The following CASKIN1 variants were observed in gnomAD, a reference collection of about 807,000 sequenced individuals.
The protein encoded by CASKIN1 is caskin-1.
CASKIN1 carries 42 observed loss-of-function variants against 117.5 expected under a neutral mutation model. The observed-to-expected ratio is 0.36, with a 90% CI of 0.28 to 0.46. CASKIN1 has a LOEUF of 0.46. CASKIN1 is among the 20% of genes least tolerant of loss of function. CASKIN1 has a pLI of 1.00. For synonymous variants in CASKIN1, 1,148 were observed against 961.7 expected (o/e 1.19, Z -3.59); for missense variants, 2,083 against 2,077.3 (o/e 1.00, Z -0.05).
At chr16:2,190,197 C>T (rs768787322) in intron 2 of CASKIN1, 27 bp from the exon 3 acceptor site, 2 of 1,611,516 alleles carry the variant, frequency 1.2e-6, no homozygotes, top group African/African-American at 1.3e-5. Flanking sequence ...ACACATAGAG[C>T]AGAGGCCCTG....
At position 2,177,773 on chromosome 16, in the gene CASKIN1, G is replaced by C. The variant is rs2093146102; in HGVS notation, c.*777C>G. 1 of 245,192 alleles carries C rather than the reference G, an allele frequency of 4.1e-6. No individual in the cohort carries two copies. Among genetic ancestry groups the C allele is most frequent in the Non-Finnish European group, 8.0e-6 (1 of 124,424 alleles). 15.2% of individuals were successfully genotyped at this position (245,192 alleles called of 1,614,324 possible). A position where few individuals can be genotyped will look rare whatever the true frequency, so the allele number is the denominator to read the frequency against. On this transcript the variant is annotated 3_prime_UTR_variant, in exon 20 of 20. Transcript: ENST00000343516. ...CTGGGACGCAGCCACGCCAGGAGGA[G>C]GACACGGCCGCCGAGAGCAAGGCAC...
Position 2,180,666 on chromosome 16 carries a change from G to T in CASKIN1, c.2702C>A (p.Pro901His), listed in dbSNP as rs1203426742. 1 of 1,521,968 alleles carries T rather than the reference G, an allele frequency of 6.6e-7. No homozygotes were observed. Among genetic ancestry groups the T allele is most frequent in the Non-Finnish European group, 8.8e-7 (1 of 1,139,388 alleles). The allele number at this position is 1,521,968 out of a possible 1,614,324, so 94.3% of individuals were successfully genotyped here. A position where few individuals can be genotyped will look rare whatever the true frequency, so the allele number is the denominator to read the frequency against. Residue 901 changes from proline to histidine, a missense_variant, in exon 18 of 20, where the codon CCT becomes CAT. Around this residue, in one of 3 missense-constraint regions of CASKIN1, gnomAD observed 1,818 missense variants for 1,688.9 expected, o/e 1.08. Transcript: ENST00000343516. ...CGTGGCATAGGGGCCGGCAGCCGCA[G>T]GCACCAGCAGCTCGTCCCGCTCCGG... The part of the protein sequence containing the change: ...SEPERDELLV[P>H]AAAGPYATVQ...
Position 2,189,621 on chromosome 16 carries a change from G to A in CASKIN1, c.245-57C>T, listed in dbSNP as rs927384296. On this transcript the variant is annotated intron_variant, in intron 3 of 19. Coordinates refer to ENST00000343516, the MANE Select transcript of CASKIN1 (RefSeq NM_020764.4). ...CTTGACCCCAAACCCAACCCTGGAG[G>A]ATAGGGGGGTGCTGGGACCTGACCC... The A allele has an allele frequency of 1.8e-5, 28 of 1,531,482 alleles. No individual in the cohort carries two copies. In the Admixed American group the frequency reaches 1.9e-4, roughly 11 times the overall value. The allele number at this position is 1,531,482 out of a possible 1,614,324, so 94.9% of individuals were successfully genotyped here.
At position 2,196,331 on chromosome 16, in the gene CASKIN1, G is replaced by A. The variant is rs763651550; in HGVS notation, c.94+8C>T. The A allele has an allele frequency of 4.0e-6, 5 of 1,235,560 alleles. No homozygotes were observed. The highest frequency in any genetic ancestry group is 5.1e-6 in the Non-Finnish European group (5 of 978,846). The allele number at this position is 1,235,560 out of a possible 1,614,324, so 76.5% of individuals were successfully genotyped here. On this transcript the variant is annotated splice_region_variant and intron_variant, in intron 1 of 19. Transcript: ENST00000343516. The surrounding 1 kb of genome is among the most constrained non-coding windows in gnomAD (Gnocchi z 5.7). ...CTCCCACCCGCGCCCCGCGCCCCCG[G>A]CACTCACTGGCCTTCCCGGGCCGCG...
In CASKIN1 at chr16:2,189,460, T is replaced by C. The variant is rs1415903345; in HGVS notation, c.349A>G (p.Ile117Val). ...TGCTGGGCCGCCAGGTGCAGGGGGA[T>C]GTGGCCCTCATCAGACGGGATGTTC... ...AVNIPSDEGHIPLHLAAQHGH... is the reference protein window; with the variant it reads ...AVNIPSDEGHVPLHLAAQHGH... Residue 117 changes from isoleucine to valine, a missense_variant, in exon 4 of 20, where the codon ATC (isoleucine) becomes GTC (valine). Transcript: ENST00000343516. 1.2e-6 allele frequency: 2 copies of C among 1,612,168 alleles called. No individual in the cohort carries two copies. The highest frequency in any genetic ancestry group is 2.2e-5 in the South Asian group (2 of 91,070).
chr16:2,194,973 T>G (rs2093211501), intron 1 of CASKIN1, among the ~76,000 whole-genome samples: 1 of 152,180 alleles, frequency 6.6e-6, no homozygotes, highest in South Asian at 2.1e-4. Flanking sequence ...TGACATCCCA[T>G]CCTACAGACG....
At chr16:2,183,560 G>A in intron 16 of CASKIN1, 86 bp downstream of exon 16, 1 of 1,326,976 alleles carries the variant, frequency 7.5e-7, no homozygotes, top group African/African-American at 1.4e-5. Context: ...AGGGCGGGTG[G>A]GAGTTGTGGC....
Position 2,182,632 on chromosome 16 carries a change from G to A in CASKIN1, c.1630-703C>T, listed in dbSNP as rs531695400. 1.0e-3 allele frequency among the ~76,000 whole-genome samples: 152 copies of A among 152,340 alleles called. 2 individuals carry two copies. The highest frequency in any genetic ancestry group is 3.5e-4 in the Non-Finnish European group (24 of 68,034). ...TTGAGTGAGGCAAGGCAGGGTGAGT[G>A]CAGACCCACGCGCCAGGTGGCTTTT... On this transcript the variant is annotated intron_variant, in intron 16 of 19. Coordinates refer to ENST00000343516, the MANE Select transcript of CASKIN1 (RefSeq NM_020764.4). The surrounding 1 kb of genome is among the most constrained non-coding windows in gnomAD (Gnocchi z 4.1).
Position 2,180,694 on chromosome 16 carries a change from C to T in CASKIN1, c.2674G>A (p.Glu892Lys), listed in dbSNP as rs1282304031. The change falls in exon 18 of 20, where the codon GAG becomes AAG. Residue 892 changes from glutamate to lysine, a missense_variant. By Grantham distance (56) the Glu-to-Lys change is moderately conservative. Transcript: ENST00000343516. The part of the protein sequence containing the change: ...SLNRYAASDS[E>K]PERDELLVPA... Reference sequence around the variant, plus strand: ...ACCAGCAGCTCGTCCCGCTCCGGCTCGCTGTCGGACGCCGCATAGCGATTC... The same window carrying T: ...ACCAGCAGCTCGTCCCGCTCCGGCTTGCTGTCGGACGCCGCATAGCGATTC... The T allele has an allele frequency of 3.3e-6, 5 of 1,494,914 alleles. No individual in the cohort carries two copies. Among genetic ancestry groups the T allele is most frequent in the South Asian group, 1.3e-5 (1 of 78,096 alleles). The allele number at this position is 1,494,914 out of a possible 1,614,324, so 92.6% of individuals were successfully genotyped here.
Position 2,182,038 on chromosome 16 carries a change from CAGG to C in CASKIN1, c.1630-112_1630-110del, listed in dbSNP as rs2141315259. 6.7e-7 allele frequency: 1 copy of C among 1,502,650 alleles called. No individual in the cohort carries two copies. Among genetic ancestry groups the C allele is most frequent in the Non-Finnish European group, 9.1e-7 (1 of 1,100,406 alleles). 93.1% of individuals were successfully genotyped at this position (1,502,650 alleles called of 1,614,324 possible). On this transcript the variant is annotated intron_variant, in intron 16 of 19. Transcript: ENST00000343516. The surrounding 1 kb of genome is among the most constrained non-coding windows in gnomAD (Gnocchi z 4.1). ...ACCGGGCCAGCAGGGCACAGACAGA[CAGG>C]AGGACAAACGGATAGGCCGAGGTAT...
rs777987406 is a variant in CASKIN1 at position 2,177,633 on chromosome 16, G to A, written c.*917C>T. On this transcript the variant is annotated 3_prime_UTR_variant, in exon 20 of 20. Coordinates refer to ENST00000343516, the MANE Select transcript of CASKIN1 (RefSeq NM_020764.4). ...GGGCTGCCTGCACAGCCCCTGGAGA[G>A]GGGGCCAGGCACACCCTCAGAGGAG... 1.8e-4 allele frequency: 43 copies of A among 237,024 alleles called. No homozygotes were observed. The highest frequency in any genetic ancestry group is 3.2e-4 in the Non-Finnish European group (39 of 120,244). 14.7% of individuals were successfully genotyped at this position (237,024 alleles called of 1,614,324 possible). A position where few individuals can be genotyped will look rare whatever the true frequency, so the allele number is the denominator to read the frequency against.
In CASKIN1 at chr16:2,184,881, G is replaced by A. The variant is rs760234269; in HGVS notation, c.1325-13C>T. 7.6e-6 allele frequency: 12 copies of A among 1,575,874 alleles called. No homozygotes were observed. In the South Asian group the frequency reaches 1.4e-4, roughly 18 times the overall value. ...GACCGGGCCACACCTGAGGACGAGA[G>A]TGGGTGGGGGACAAGGGCTGTCGGG... On this transcript the variant is annotated splice_polypyrimidine_tract_variant and intron_variant, in intron 13 of 19. Transcript: ENST00000343516.
At chr16:2,190,659 C>G (rs1007575077) in intron 1 of CASKIN1, among the ~76,000 whole-genome samples, 1 of 152,172 alleles carries the variant, frequency 6.6e-6, no homozygotes, top group Non-Finnish European at 1.5e-5. Flanking sequence ...GGCTGTGCAC[C>G]CACACAGGCA....
intron 1 of CASKIN1, 48 bp from the exon 2 acceptor site, chr16:2,190,406 C>A: frequency 6.5e-7 from 1 of 1,531,112 alleles, no homozygotes. Context: ...CCAGCCCCTC[C>A]AGGCGGCCTG....
chr16:2,189,962 T>A, intron 3 of CASKIN1, 111 bp downstream of exon 3: 3 of 928,464 alleles, frequency 3.2e-6, no homozygotes, highest in East Asian at 3.2e-5. Flanking sequence ...CTGCCTGAAA[T>A]CAGACTGAGA....
At chr16:2,188,851 C>T (rs1263717435) in intron 6 of CASKIN1, 176 bp downstream of exon 6, 3 of 878,398 alleles carry the variant, frequency 3.4e-6, no homozygotes, top group Non-Finnish European at 5.1e-6. Flanking sequence ...CCTTCCCAGC[C>T]CCTGCAGCTC....
Position 2,180,533 on chromosome 16 carries a change from G to C in CASKIN1, c.2835C>G (p.Pro945=), listed in dbSNP as rs1310251497. Residue 945 remains proline, a synonymous_variant, in exon 18 of 20, where the codon CCC becomes CCG. Transcript: ENST00000343516. ...SFAVRPRKKG[P]PPPPPKRSSS... is the part of the protein sequence containing the mutation. ...TGGAGCGCTTGGGTGGGGGCGGCGG[G>C]GGCCCCTTCTTTCGGGGCCGCACGG... 2 of 1,546,702 alleles carry C rather than the reference G, an allele frequency of 1.3e-6. No individual in the cohort carries two copies. The highest frequency in any genetic ancestry group is 1.9e-5 in the Admixed American group (1 of 51,778).
At chr16:2,183,625 C>T in intron 16 of CASKIN1, 21 bp downstream of exon 16, 1 of 1,611,434 alleles carries the variant, frequency 6.2e-7, no homozygotes, top group South Asian at 1.1e-5. Flanking sequence ...GGCCCAGCCC[C>T]TGGGATGCAG....
chr16:2,179,651 G>A lies in CASKIN1; in HGVS notation c.3717C>T (p.Leu1239=), dbSNP rs1455218425. Residue 1239 remains leucine, a synonymous_variant, in exon 18 of 20, where the codon CTC becomes CTT. Coordinates refer to ENST00000343516, the MANE Select transcript of CASKIN1 (RefSeq NM_020764.4). This position sits in a 1 kb window ranked among gnomAD's most constrained non-coding sequence, Gnocchi z 5.8. ...TGGAGGTGGGTGTGGGCGAGCCCTG[G>A]AGCTTGGGCACAGGCTGCGTCAGGA... ...KPVLTQPVPK[L]QGSPTPTSKK... 1.3e-6 allele frequency: 2 copies of A among 1,502,552 alleles called. No homozygotes were observed. The highest frequency in any genetic ancestry group is 4.8e-5 in the East Asian group (2 of 41,692). 93.1% of individuals were successfully genotyped at this position (1,502,552 alleles called of 1,614,324 possible). A position where few individuals can be genotyped will look rare whatever the true frequency, so the allele number is the denominator to read the frequency against.
Sources: gnomAD v4.1 joint callset for allele counts (sites outside exome capture counted in the v4.1 genomes callset) on GRCh38, gnomAD v4.1.1 for gene constraint, gnomAD v4.1.1 regional missense constraint, Gnocchi (gnomAD v3.1) non-coding constraint, MANE v1.5 for transcripts, NCBI Gene and HGNC (gene_info 2026-07-23, HGNC 2026-07-21) for gene names.